The following ECM2 variants were observed in gnomAD, a reference collection of about 807,000 sequenced individuals.
ECM2 encodes the protein extracellular matrix protein 2, female organ and adipocyte specific.
In ECM2, 57 loss-of-function variants were observed where a neutral mutation model predicts 67.5. The observed-to-expected ratio is 0.84, with a 90% CI of 0.68 to 1.05. The LOEUF (loss-of-function observed/expected upper bound fraction) is 1.05. Ranked by LOEUF, ECM2 falls within the 50% of genes least tolerant of loss-of-function variation. The pLI is 0.00. For synonymous variants in ECM2, 258 were observed against 294.5 expected (o/e 0.88, Z 1.27); for missense variants, 741 against 822.8 (o/e 0.90, Z 1.22).
chr9:92,528,204 T>G (rs1374431029), intron 1 of ECM2: 1 of 152,288 alleles, frequency 6.6e-6, no homozygotes, highest in Non-Finnish European at 1.5e-5. Flanking sequence ...TTTCCAAACA[T>G]TAAACAAAGA....
At chr9:92,527,585 C>A (rs1375219904) in intron 1 of ECM2, among the ~76,000 whole-genome samples, 1 of 152,200 alleles carries the variant, frequency 6.6e-6, no homozygotes, top group East Asian at 1.9e-4. Flanking sequence ...GTCTGCTTCA[C>A]AACCTAAGAC....
At chr9:92,539,679 G>A (rs1364033173), upstream of ECM2, among the ~76,000 whole-genome samples, 1 of 152,110 alleles carries the variant, frequency 6.6e-6, no homozygotes, top group Non-Finnish European at 1.5e-5. Flanking sequence ...GAGTAGTATG[G>A]ACTTTGTTCT....
In ECM2 at chr9:92,505,514, T is replaced by TA. The variant is rs766620835; in HGVS notation, c.1464+18dup. The TA allele has an allele frequency of 2.6e-6, 4 of 1,567,098 alleles. No homozygotes were observed. The highest frequency in any genetic ancestry group is 2.1e-5 in the Admixed American group (1 of 47,844). ...TTCAAATATAATACATTTAAAACAC[T>TA]AAAAAAATATATTGTTACCTCAATA... is the stretch of plus-strand genomic sequence containing the variant. On this transcript the variant is annotated intron_variant, in intron 7 of 9. Coordinates refer to ENST00000344604, the MANE Select transcript of ECM2 (RefSeq NM_001393.4).
rs143418555 is a variant in ECM2, at chr9:92,517,826, A to G, written c.342T>C (p.Ala114=). 6 of 1,614,198 alleles carry G rather than the reference A, an allele frequency of 3.7e-6. No individual in the cohort carries two copies. The highest frequency in any genetic ancestry group is 5.1e-6 in the Non-Finnish European group (6 of 1,180,040). Residue 114 remains alanine (A), a synonymous_variant, in exon 3 of 10, where the codon GCT becomes GCC. Coordinates refer to ENST00000344604, the MANE Select transcript of ECM2 (RefSeq NM_001393.4). ...LVKGITMYNK[A]VWSPEPCTTC... is the part of the protein sequence containing the mutation. ...TAGTGCAGGGCTCAGGCGACCACACAGCTTTGTTGTACATGGTTATGCCCT... is the reference window on the plus strand; with the variant it reads ...TAGTGCAGGGCTCAGGCGACCACACGGCTTTGTTGTACATGGTTATGCCCT...
At chr9:92,494,183 A>C (rs752708993), downstream of ECM2, 2 of 1,589,044 alleles carry the variant, frequency 1.3e-6, no homozygotes, top group Non-Finnish European at 1.7e-6. Flanking sequence ...TGAATGAATG[A>C]ATCGTTTAGT....
In ECM2 at chr9:92,495,655, A is replaced by C; in HGVS notation, c.*660T>G. 1 of 906,088 alleles carries C rather than the reference A, an allele frequency of 1.1e-6. No individual in the cohort carries two copies. The highest frequency in any genetic ancestry group is 1.3e-6 in the Non-Finnish European group (1 of 757,636). 56.1% of individuals were successfully genotyped at this position (906,088 alleles called of 1,614,324 possible). ...TAGAAAAGTTTCAAAAAGAGTATAG[A>C]ATTTATGCACACCCTTCTGCCAGCT... On this transcript the variant is annotated 3_prime_UTR_variant, in exon 10 of 10. Transcript: ENST00000344604.
chr9:92,494,986 A>G (rs1846283301), downstream of ECM2, among the ~76,000 whole-genome samples: 1 of 152,178 alleles, frequency 6.6e-6, no homozygotes, highest in Non-Finnish European at 1.5e-5. Context: ...GAAATTGTCA[A>G]TTGTGGTTGG....
chr9:92,496,634 A>G (rs1301946278), intron 9 of ECM2, 151 bp from the exon 10 acceptor site: 2 of 963,952 alleles, frequency 2.1e-6, no homozygotes, highest in South Asian at 2.0e-5. Context: ...CAGAGATTCA[A>G]ATGTGAAAGA....
Position 92,522,654 on chromosome 9 carries a change from G to A in ECM2, c.213C>T (p.Asn71=), listed in dbSNP as rs1354411154. Residue 71 remains asparagine (N), a synonymous_variant, in exon 2 of 10, where the codon AAC becomes AAT. Coordinates refer to ENST00000344604, the MANE Select transcript of ECM2 (RefSeq NM_001393.4). ...FTPVARLPIV[N]FDYSMEEKFE... is the part of the protein sequence containing the mutation. Reference sequence around the variant, plus strand: ...ACTTTTCCTCCATGCTATAATCAAAGTTAACAATAGGAAGTCTTGCTACTG... The same window carrying A: ...ACTTTTCCTCCATGCTATAATCAAAATTAACAATAGGAAGTCTTGCTACTG... The A allele has an allele frequency of 6.2e-7, 1 of 1,613,888 alleles. No individual in the cohort carries two copies.
intron 1 of ECM2, among the ~76,000 whole-genome samples, chr9:92,524,632 C>A (rs1361248963): frequency 6.6e-6 from 1 of 152,196 alleles, no homozygotes; most frequent in Non-Finnish European, 1.5e-5. Flanking sequence ...TGCCTCAGGT[C>A]CACTCACTGT....
At chr9:92,508,724 A>G (rs1847156670) in intron 6 of ECM2, among the ~76,000 whole-genome samples, 1 of 152,116 alleles carries the variant, frequency 6.6e-6, no homozygotes, top group African/African-American at 2.4e-5. Flanking sequence ...TAATCCTCAG[A>G]TTTGGCAATT....
At chr9:92,518,335 A>G (rs147222731) in intron 2 of ECM2, among the ~76,000 whole-genome samples, 84 of 152,320 alleles carry the variant, frequency 5.5e-4, no homozygotes, top group Middle Eastern at 3.4e-3. Flanking sequence ...ATGAGCTCTT[A>G]AAGTGTCTAA....
At chr9:92,521,845 G>A (rs1848088984) in intron 2 of ECM2, among the ~76,000 whole-genome samples, 1 of 152,008 alleles carries the variant, frequency 6.6e-6, no homozygotes, top group African/African-American at 2.4e-5. Flanking sequence ...ATTTATTTCT[G>A]TATTCTAGAT....
At chr9:92,493,962 G>C, downstream of ECM2, 1 of 815,938 alleles carries the variant, frequency 1.2e-6, no homozygotes, top group Non-Finnish European at 1.9e-6. Context: ...AGGCCGTTGA[G>C]GGTGGCCGTA....
At chr9:92,557,215 G>C in the ECM2 span, among the ~76,000 whole-genome samples, 27 of 152,282 alleles carry the variant, frequency 1.8e-4, no homozygotes, top group African/African-American at 6.5e-4. Context: ...GTTTTCCTTT[G>C]TAGGTTACCT....
chr9:92,548,345 G>T, the ECM2 span, among the ~76,000 whole-genome samples: 1 of 152,150 alleles, frequency 6.6e-6, no homozygotes, highest in South Asian at 2.1e-4. Flanking sequence ...AATTCATTAG[G>T]ATTAAGACAA....
At chr9:92,498,461 ATATT>A (rs1846484902) in intron 9 of ECM2, among the ~76,000 whole-genome samples, 1 of 151,950 alleles carries the variant, frequency 6.6e-6, no homozygotes, top group African/African-American at 2.4e-5. Flanking sequence ...AAATATATAT[ATATT>A]AAAAAAAGAC....
intron 1 of ECM2, among the ~76,000 whole-genome samples, chr9:92,531,268 C>T (rs1848731742): frequency 6.6e-6 from 1 of 151,862 alleles, no homozygotes; most frequent in Non-Finnish European, 1.5e-5. Flanking sequence ...ACACTTTTTA[C>T]CATTCTTTTC....
At chr9:92,502,340 G>A (rs1232707365) in intron 8 of ECM2, among the ~76,000 whole-genome samples, 173 bp downstream of exon 8, 1 of 152,192 alleles carries the variant, frequency 6.6e-6, no homozygotes, top group East Asian at 1.9e-4. Context: ...GAAACTGCAT[G>A]AAGTAGCCCA....
Sources: allele counts gnomAD v4.1 joint callset (sites outside exome capture counted in the v4.1 genomes callset), GRCh38; gene constraint gnomAD v4.1.1; transcripts MANE v1.5; gene names NCBI Gene and HGNC (gene_info 2026-07-23, HGNC 2026-07-21).